MYH9: variants seen among roughly 807,000 people sequenced by gnomAD.
MYH9 encodes the protein myosin-9.
MYH9 carries 29 observed loss-of-function variants against 241.9 expected under a neutral mutation model. That is an observed-to-expected ratio of 0.12 (90% CI 0.09 to 0.16). The LOEUF (loss-of-function observed/expected upper bound fraction) is 0.16. MYH9 is among the 10% of genes least tolerant of loss of function. The probability of loss-of-function intolerance (pLI) is 1.00; values close to 1 mark genes in which losing one functional copy is unlikely to be tolerated. For missense variants in MYH9, 1,803 were observed against 2,595.5 expected (o/e 0.69, Z 6.63); for synonymous variants, 1,047 against 1,062.6 (o/e 0.99, Z 0.29).
intron 1 of MYH9, among the ~76,000 whole-genome samples, chr22:36,350,992 ACAC>A (rs2017756282): frequency 1.3e-5 from 2 of 152,200 alleles, no homozygotes; most frequent in Non-Finnish European, 2.9e-5. Flanking sequence ...CAAACACGGA[ACAC>A]CATGGGCTTT....
chr22:36,313,472 A>AAAG (rs10665976), intron 13 of MYH9, among the ~76,000 whole-genome samples: 50,751 of 116,870 alleles, frequency 0.43, 14,325 homozygotes, highest in Non-Finnish European at 0.62. Context: ...AAAAAAAAAA[A>AAAG]AAGAAGAAAA....
chr22:36,379,782 G>C (rs1277067847), intron 1 of MYH9, among the ~76,000 whole-genome samples: 2 of 152,228 alleles, frequency 1.3e-5, no homozygotes, highest in Non-Finnish European at 2.9e-5. Context: ...CTGGGCTAGA[G>C]ATGCAGACAG....
At position 36,293,899 on chromosome 22, in the gene MYH9, C is replaced by T; in HGVS notation, c.3838-36G>A. ...CGGGGAGACACAAAGGACCATGGAC[C>T]CACCCCCACTGCTCCTGCCCCACCT... is the stretch of plus-strand genomic sequence containing the variant. On this transcript the variant is annotated intron_variant, in intron 28 of 40. Transcript: ENST00000216181. This position sits in a 1 kb window ranked among gnomAD's most constrained non-coding sequence, Gnocchi z 5.1. 6 of 1,578,290 alleles carry T rather than the reference C, an allele frequency of 3.8e-6. No homozygotes were observed. The highest frequency in any genetic ancestry group is 1.3e-5 in the African/African-American group (1 of 74,150).
Position 36,320,202 on chromosome 22 carries a change from G to A in MYH9, c.1012+18C>T. On this transcript the variant is annotated intron_variant, in intron 9 of 40. Coordinates refer to ENST00000216181, the MANE Select transcript of MYH9 (RefSeq NM_002473.6). This position sits in a 1 kb window ranked among gnomAD's most constrained non-coding sequence, Gnocchi z 4.8. ...TTCCTCTGCCCCACACTCGACCATA[G>A]GAGGGCCAGCCCTGTACCCATTTGC... The A allele has an allele frequency of 3.1e-6, 5 of 1,613,986 alleles. No individual in the cohort carries two copies.
At chr22:36,302,973 AG>A (rs1399457693) in intron 19 of MYH9, among the ~76,000 whole-genome samples, 1 of 152,156 alleles carries the variant, frequency 6.6e-6, no homozygotes, top group Non-Finnish European at 1.5e-5. Context: ...GATCCTACTC[AG>A]TGTGGGGACT....
Position 36,348,981 on chromosome 22 carries a change from T to C in MYH9, c.256A>G (p.Met86Val). 6.2e-7 allele frequency: 1 copy of C among 1,614,270 alleles called. No individual in the cohort carries two copies. The highest frequency in any genetic ancestry group is 8.5e-7 in the Non-Finnish European group (1 of 1,180,040). ...NPPKFSKVED[M>V]AELTCLNEAS... is the part of the protein sequence containing the mutation. ...TCGTTGAGGCACGTGAGCTCTGCCA[T>C]GTCCTCCACCTTGGAGAACTTGGGC... is the stretch of plus-strand genomic sequence containing the variant. The change falls in exon 2 of 41, where the codon ATG becomes GTG. Residue 86 changes from methionine to valine, a missense_variant. Met to Val is a conservative substitution (Grantham distance 21, BLOSUM62 1). This residue lies in a region of MYH9 where 72 missense variants were observed against 134.3 expected (regional missense o/e 0.54). Coordinates refer to ENST00000216181, the MANE Select transcript of MYH9 (RefSeq NM_002473.6).
chr22:36,345,530 C>T (rs2017663752), intron 2 of MYH9, among the ~76,000 whole-genome samples: 1 of 152,110 alleles, frequency 6.6e-6, no homozygotes, highest in South Asian at 2.1e-4. Context: ...TAAAGCCTGC[C>T]AAGAGGAGCG....
intron 14 of MYH9, among the ~76,000 whole-genome samples, chr22:36,310,895 T>C (rs1390428562): frequency 6.6e-6 from 1 of 152,046 alleles, no homozygotes; most frequent in Non-Finnish European, 1.5e-5. Flanking sequence ...GAAACATTCC[T>C]TGGTTAATGG....
intron 10 of MYH9, among the ~76,000 whole-genome samples, chr22:36,318,683 A>G (rs2017199762): frequency 6.6e-6 from 1 of 152,098 alleles, no homozygotes; most frequent in African/African-American, 2.4e-5. Context: ...GTGTAAAAGC[A>G]GGTCCCTACC....
At chr22:36,309,494 C>A in intron 14 of MYH9, 98 bp from the exon 15 acceptor site, 2 of 872,982 alleles carry the variant, frequency 2.3e-6, no homozygotes, top group South Asian at 2.7e-5. Context: ...ATGGAAAAGT[C>A]AGAAAACGTG....
At chr22:36,308,799 G>T in intron 15 of MYH9, 2 of 984,504 alleles carry the variant, frequency 2.0e-6, no homozygotes, top group Non-Finnish European at 2.4e-6. Flanking sequence ...CACTCGGGCG[G>T]CCAGTCACCT....
Position 36,295,362 on chromosome 22 carries a change from C to G in MYH9, c.3485+143G>C. 1 of 769,860 alleles carries G rather than the reference C, an allele frequency of 1.3e-6. No homozygotes were observed. Among genetic ancestry groups the G allele is most frequent in the Non-Finnish European group, 2.2e-6 (1 of 461,650 alleles). 47.7% of individuals were successfully genotyped at this position (769,860 alleles called of 1,614,324 possible). ...TCTGTAGAGAGAAACCGCTGAGGAA[C>G]CAGCAGCTTCCATGCCTGCTGGTGC... On this transcript the variant is annotated intron_variant, in intron 26 of 40. Transcript: ENST00000216181. The surrounding 1 kb of genome is among the most constrained non-coding windows in gnomAD (Gnocchi z 4.1).
intron 24 of MYH9, among the ~76,000 whole-genome samples, chr22:36,298,494 T>C (rs960746595): frequency 6.6e-6 from 1 of 152,210 alleles, no homozygotes; most frequent in African/African-American, 2.4e-5. Flanking sequence ...CTGTGTCCCC[T>C]TTTTAGGTAA....
intron 2 of MYH9, among the ~76,000 whole-genome samples, chr22:36,346,102 G>A (rs1389148806): frequency 1.3e-5 from 2 of 149,826 alleles, no homozygotes; most frequent in African/African-American, 5.0e-5. Flanking sequence ...AGCCAAGATG[G>A]CACCACACCA....
rs2016488183 is a variant in MYH9 at position 36,281,524 on chromosome 22, T to C, written c.*1144A>G. 8.8e-6 allele frequency: 2 copies of C among 228,422 alleles called. No homozygotes were observed. The highest frequency in any genetic ancestry group is 4.4e-5 in the African/African-American group (2 of 45,054). The allele number at this position is 228,422 out of a possible 1,614,324, so 14.1% of individuals were successfully genotyped here. A position where few individuals can be genotyped will look rare whatever the true frequency, so the allele number is the denominator to read the frequency against. ...GTTTCCTTTAAAAAAAAAAAATGCC[T>C]TCTTGCCGTAAGTCTCAATGCAGCA... On this transcript the variant is annotated 3_prime_UTR_variant, in exon 41 of 41. Coordinates refer to ENST00000216181, the MANE Select transcript of MYH9 (RefSeq NM_002473.6).
Position 36,284,151 on chromosome 22 carries a change from C to T in MYH9, c.5707G>A (p.Ala1903Thr), listed in dbSNP as rs558056055. 3 of 1,614,174 alleles carry T rather than the reference C, an allele frequency of 1.9e-6. No homozygotes were observed. Among genetic ancestry groups the T allele is most frequent in the South Asian group, 1.1e-5 (1 of 91,086 alleles). ...RRKLQRELED[A>T]TETADAMNRE... ...TTCATGGCATCGGCCGTCTCAGTGG[C>T]GTCCTCCAGCTCGCGCTGCAGTTTC... The change falls in exon 40 of 41, where the codon GCC becomes ACC. Residue 1903 changes from alanine (A) to threonine (T), a missense_variant. Coordinates refer to ENST00000216181, the MANE Select transcript of MYH9 (RefSeq NM_002473.6).
intron 3 of MYH9, among the ~76,000 whole-genome samples, chr22:36,334,507 C>T (rs756797274): frequency 9.2e-5 from 14 of 152,364 alleles, no homozygotes; most frequent in Admixed American, 3.3e-4. Context: ...AGGACCGCGT[C>T]TGCTATCGCG....
At chr22:36,292,677 G>A (rs1047385468) in intron 30 of MYH9, among the ~76,000 whole-genome samples, 25 of 152,200 alleles carry the variant, frequency 1.6e-4, no homozygotes, top group African/African-American at 4.6e-4. Context: ...AGCCCATCCC[G>A]AGGTGGTTCA....
chr22:36,320,605 G>T lies in MYH9; in HGVS notation c.868+193C>A, dbSNP rs1225583390. On this transcript the variant is annotated intron_variant, in intron 8 of 40. Transcript: ENST00000216181. This position sits in a 1 kb window ranked among gnomAD's most constrained non-coding sequence, Gnocchi z 4.8. Reference sequence around the variant, plus strand: ...GCAGCTACATGTGCAACCCACCCTAGCTTTTCTCTGGCATGGTCAGAAACA... The same window carrying T: ...GCAGCTACATGTGCAACCCACCCTATCTTTTCTCTGGCATGGTCAGAAACA... Among the ~76,000 whole-genome samples, 1 of 152,202 alleles carries T rather than the reference G, an allele frequency of 6.6e-6. No individual in the cohort carries two copies. Among genetic ancestry groups the T allele is most frequent in the African/African-American group, 2.4e-5 (1 of 41,448 alleles).
Sources: allele counts gnomAD v4.1 joint callset (sites outside exome capture counted in the v4.1 genomes callset), GRCh38; gene constraint gnomAD v4.1.1; regional missense constraint gnomAD v4.1.1; non-coding constraint Gnocchi (gnomAD v3.1); transcripts MANE v1.5; gene names NCBI Gene and HGNC (gene_info 2026-07-23, HGNC 2026-07-21).